The following KAZN variants were observed in gnomAD, a reference collection of about 807,000 sequenced individuals.
KAZN encodes kazrin.
A neutral mutation model predicts 87.4 loss-of-function variants in KAZN; 40 were observed. The observed-to-expected ratio is 0.46, with a 90% CI of 0.36 to 0.60. The LOEUF (loss-of-function observed/expected upper bound fraction) is 0.60. Among genes scored for constraint, KAZN ranks in the 20% least tolerant of loss-of-function variants. The pLI is 0.00. For missense variants in KAZN, 898 were observed against 1,073.9 expected, an observed-to-expected ratio of 0.84 and a Z score of 2.29; for synonymous variants, 466 against 458.3, an observed-to-expected ratio of 1.02 and a Z score of -0.22.
chr1:13,946,512 C>T (rs544175922), intron 1 of KAZN, among the ~76,000 whole-genome samples: 4 of 152,194 alleles, frequency 2.6e-5, no homozygotes, highest in Non-Finnish European at 5.9e-5. Flanking sequence ...TATGGTTATA[C>T]TCACTGTAGA....
At chr1:14,344,102 T>G (rs936951108) in intron 2 of KAZN, among the ~76,000 whole-genome samples, 1 of 151,922 alleles carries the variant, frequency 6.6e-6, no homozygotes, top group Admixed American at 6.6e-5. Flanking sequence ...GATCTTGTCC[T>G]GCCTATTATG....
At chr1:14,935,717 T>C (rs1011864697) in intron 1 of KAZN, among the ~76,000 whole-genome samples, 1 of 152,158 alleles carries the variant, frequency 6.6e-6, no homozygotes, top group African/African-American at 2.4e-5. Context: ...TACCCTGGCC[T>C]GTTCCCTGCC....
rs1304603772 is a variant in KAZN at position 15,066,139 on chromosome 1, GTTTGTT to G, written c.1222+402_1222+407del. On this transcript the variant is annotated intron_variant, in intron 8 of 14. Coordinates refer to ENST00000376030, the MANE Select transcript of KAZN (RefSeq NM_201628.3). The surrounding 1 kb of genome is among the most constrained non-coding windows in gnomAD (Gnocchi z 4.3). Reference sequence around the variant, plus strand: ...CTTTTTCTTTTTGTTTGGTTCGTCGGTTTGTTTTTGTTTTTGTTTTTTTCCCCCTTT... The same window carrying G: ...CTTTTTCTTTTTGTTTGGTTCGTCGGTTTGTTTTTGTTTTTTTCCCCCTTT... 1.1e-5 allele frequency: 12 copies of G among 1,054,844 alleles called. No homozygotes were observed. The highest frequency in any genetic ancestry group is 1.1e-4 in the Admixed American group (2 of 18,204). The allele number at this position is 1,054,844 out of a possible 1,614,324, so 65.3% of individuals were successfully genotyped here. A position where few individuals can be genotyped will look rare whatever the true frequency, so the allele number is the denominator to read the frequency against.
At chr1:15,105,428 G>A (rs886136826) in intron 13 of KAZN, among the ~76,000 whole-genome samples, 18 of 152,170 alleles carry the variant, frequency 1.2e-4, no homozygotes, top group African/African-American at 3.9e-4. Flanking sequence ...ATTTCATCTA[G>A]GTTAGCTAAT....
intron 1 of KAZN, among the ~76,000 whole-genome samples, chr1:13,942,458 T>A (rs936336164): frequency 7.1e-6 from 1 of 141,678 alleles, no homozygotes; most frequent in African/African-American, 2.7e-5. Context: ...GAGAATGGCG[T>A]GAACCCGGGA....
At chr1:14,950,299 C>T (rs1662328129) in intron 1 of KAZN, among the ~76,000 whole-genome samples, 1 of 152,070 alleles carries the variant, frequency 6.6e-6, no homozygotes, top group Non-Finnish European at 1.5e-5. Context: ...CTGTTCTTGC[C>T]TGCCTGCAAC....
At chr1:14,609,506 G>A (rs922066835) in intron 1 of KAZN, among the ~76,000 whole-genome samples, 2 of 152,216 alleles carry the variant, frequency 1.3e-5, no homozygotes, top group Non-Finnish European at 2.9e-5. Flanking sequence ...GTTCTACCAT[G>A]AGTCAACTCA....
intron 1 of KAZN, among the ~76,000 whole-genome samples, chr1:14,928,631 G>A (rs1033541411): frequency 6.6e-6 from 1 of 152,276 alleles, no homozygotes; most frequent in African/African-American, 2.4e-5. Flanking sequence ...TCTGTGAGCC[G>A]TTCTGAGAAG....
intron 1 of KAZN, among the ~76,000 whole-genome samples, chr1:14,858,385 G>T (rs1650424709): frequency 1.3e-5 from 2 of 151,700 alleles, no homozygotes; most frequent in South Asian, 4.2e-4. Context: ...CCTAATTTTT[G>T]TATTTTTAGT....
chr1:14,393,563 G>C (rs983388461), intron 2 of KAZN, among the ~76,000 whole-genome samples: 2 of 152,210 alleles, frequency 1.3e-5, no homozygotes, highest in African/African-American at 4.8e-5. Flanking sequence ...GCCTCACGAA[G>C]AGTTTGCCAT....
chr1:14,771,747 AC>A (rs1326634769), intron 1 of KAZN, among the ~76,000 whole-genome samples: 2 of 151,852 alleles, frequency 1.3e-5, no homozygotes, highest in Non-Finnish European at 2.9e-5. Flanking sequence ...AATTGCTTGA[AC>A]CCGGGAGGCG....
intron 2 of KAZN, among the ~76,000 whole-genome samples, chr1:14,965,380 G>A (rs993324163): frequency 6.6e-6 from 1 of 152,130 alleles, no homozygotes; most frequent in African/African-American, 2.4e-5. Context: ...TGTGGTAAGC[G>A]TGTAGCCTGG....
intron 1 of KAZN, among the ~76,000 whole-genome samples, chr1:14,025,107 C>G (rs761156370): frequency 1.3e-5 from 2 of 152,216 alleles, no homozygotes; most frequent in Non-Finnish European, 2.9e-5. Flanking sequence ...GAGTTCCAAA[C>G]AGAACAGGTC....
intron 2 of KAZN, among the ~76,000 whole-genome samples, chr1:14,468,203 A>C (rs191309973): frequency 5.3e-5 from 8 of 152,310 alleles, no homozygotes; most frequent in Admixed American, 2.6e-4. Flanking sequence ...GTTTGTCTTT[A>C]TGTTCATGTT....
At chr1:14,776,403 G>A (rs1337276339) in intron 1 of KAZN, among the ~76,000 whole-genome samples, 2 of 152,170 alleles carry the variant, frequency 1.3e-5, no homozygotes, top group South Asian at 2.1e-4. Context: ...GCCCACCAAA[G>A]GCACATGACC....
chr1:14,177,264 G>C (rs961118597), intron 1 of KAZN, among the ~76,000 whole-genome samples: 4 of 152,076 alleles, frequency 2.6e-5, no homozygotes, highest in African/African-American at 9.7e-5. Flanking sequence ...TATTATTATT[G>C]TTGTTGCTTT....
chr1:14,500,361 C>T (rs894916523), intron 2 of KAZN, among the ~76,000 whole-genome samples: 3 of 152,040 alleles, frequency 2.0e-5, no homozygotes, highest in Non-Finnish European at 4.4e-5. Flanking sequence ...GCAGAAACAC[C>T]GACCTAAACT....
intron 2 of KAZN, among the ~76,000 whole-genome samples, chr1:14,976,945 C>T (rs1235741150): frequency 6.6e-6 from 1 of 152,118 alleles, no homozygotes; most frequent in East Asian, 1.9e-4. Flanking sequence ...ATCCCAGCTA[C>T]TCAGGAGGCT....
intron 1 of KAZN, among the ~76,000 whole-genome samples, chr1:14,657,486 T>C (rs1196335630): frequency 2.0e-5 from 3 of 152,220 alleles, no homozygotes; most frequent in Non-Finnish European, 4.4e-5. Context: ...TTCCAGGTGA[T>C]GCTGATGCTA....
Sources: allele counts gnomAD v4.1 joint callset (sites outside exome capture counted in the v4.1 genomes callset), GRCh38; gene constraint gnomAD v4.1.1; non-coding constraint Gnocchi (gnomAD v3.1); transcripts MANE v1.5; gene names NCBI Gene and HGNC (gene_info 2026-07-23, HGNC 2026-07-21).